KCNK12: variants seen among roughly 807,000 people sequenced by gnomAD.
KCNK12 encodes potassium channel subfamily K member 12.
KCNK12 carries 6 observed loss-of-function variants against 25.3 expected under a neutral mutation model. That is an observed-to-expected ratio of 0.24 (90% CI 0.13 to 0.47). The LOEUF (loss-of-function observed/expected upper bound fraction) is 0.47. Ranked by LOEUF, KCNK12 falls within the 20% of genes least tolerant of loss-of-function variation. The pLI, the probability that KCNK12 is intolerant of heterozygous loss-of-function variation, is 0.99. For synonymous variants in KCNK12, 331 were observed against 311.1 expected, an observed-to-expected ratio of 1.06 and a Z score of -0.67; for missense variants, 444 against 661.7, an observed-to-expected ratio of 0.67 and a Z score of 3.61.
In KCNK12 at chr2:47,521,063, C is replaced by T. The variant is rs912211047; in HGVS notation, c.1137G>A (p.Lys379=). 2.2e-6 allele frequency: 3 copies of T among 1,380,524 alleles called. No individual in the cohort carries two copies. Among genetic ancestry groups the T allele is most frequent in the East Asian group, 3.1e-5 (1 of 32,438 alleles). 85.5% of individuals were successfully genotyped at this position (1,380,524 alleles called of 1,614,324 possible). ...ISMRDLTASN[K]VSLALLQKQL... is the part of the protein sequence containing the mutation. Reference sequence around the variant, plus strand: ...GCTTCTGCAGCAGCGCCAGCGACACCTTGTTGGAGGCCGTGAGGTCGCGCA... The same window carrying T: ...GCTTCTGCAGCAGCGCCAGCGACACTTTGTTGGAGGCCGTGAGGTCGCGCA... Residue 379 remains lysine, a synonymous_variant, in exon 2 of 2, where the codon AAG becomes AAA. Coordinates refer to ENST00000327876, the MANE Select transcript of KCNK12 (RefSeq NM_022055.2).
At position 47,551,298 on chromosome 2, in the gene KCNK12, T is replaced by TA. The variant is rs1669425769; in HGVS notation, c.391+18642dup. On this transcript the variant is annotated intron_variant, in intron 1 of 1. Transcript: ENST00000327876. This position sits in a 1 kb window ranked among gnomAD's most constrained non-coding sequence, Gnocchi z 5.3. ...CAGGCAGCCACATGGCTCACTCCCT[T>TA]ACCTCATTCCAAGCCTCCACTCAGG... Among the ~76,000 whole-genome samples the TA allele has an allele frequency of 6.6e-6, 1 of 152,146 alleles. No individual in the cohort carries two copies.
rs144115774 is a variant in KCNK12, at chr2:47,513,651, A to T, written c.*7256T>A. On this transcript the variant is annotated 3_prime_UTR_variant, in exon 2 of 2. Transcript: ENST00000327876. Reference sequence around the variant, plus strand: ...GGAACCCCTCCCCCATGGTTATCTCATGGGTCCCTGAAGTCCAACTTCTCC... The same window carrying T: ...GGAACCCCTCCCCCATGGTTATCTCTTGGGTCCCTGAAGTCCAACTTCTCC... Among the ~76,000 whole-genome samples, 348 of 152,152 alleles carry T rather than the reference A, an allele frequency of 2.3e-3. 1 individual carries two copies. Among genetic ancestry groups the T allele is most frequent in the African/African-American group, 8.1e-3 (336 of 41,520 alleles).
intron 1 of KCNK12, among the ~76,000 whole-genome samples, chr2:47,536,039 A>C (rs1669060728): frequency 6.6e-6 from 1 of 151,748 alleles, no homozygotes; most frequent in Non-Finnish European, 1.5e-5. Flanking sequence ...CCTTCATATG[A>C]CCTGGGACCC....
Position 47,529,648 on chromosome 2 carries a change from TG to T in KCNK12, c.392-7841del, listed in dbSNP as rs1668875529. ...ATCAGGATAATCCAGTTCCTTACCA[TG>T]ACTGGCTCAAGAATGGGTAGACCTA... is the stretch of plus-strand genomic sequence containing the variant. On this transcript the variant is annotated intron_variant, in intron 1 of 1. Coordinates refer to ENST00000327876, the MANE Select transcript of KCNK12 (RefSeq NM_022055.2). The surrounding 1 kb of genome is among the most constrained non-coding windows in gnomAD (Gnocchi z 4.3). Among the ~76,000 whole-genome samples the T allele has an allele frequency of 6.6e-6, 1 of 152,198 alleles. No homozygotes were observed. The highest frequency in any genetic ancestry group is 2.4e-5 in the African/African-American group (1 of 41,454).
intron 1 of KCNK12, among the ~76,000 whole-genome samples, chr2:47,536,953 T>C (rs1219226354): frequency 6.6e-6 from 1 of 152,188 alleles, no homozygotes; most frequent in Non-Finnish European, 1.5e-5. Flanking sequence ...GTTTGGACGA[T>C]GTTCTTGTTT....
chr2:47,568,587 T>C (rs1669828079), intron 1 of KCNK12, among the ~76,000 whole-genome samples: 1 of 152,168 alleles, frequency 6.6e-6, no homozygotes, highest in African/African-American at 2.4e-5. Flanking sequence ...TAGCTGCTCA[T>C]ATGCTGCACA....
In KCNK12 at chr2:47,566,262, C is replaced by G. The variant is rs913762912; in HGVS notation, c.391+3679G>C. The G allele has an allele frequency of 7.2e-5, 11 of 152,174 alleles. No individual in the cohort carries two copies. The highest frequency in any genetic ancestry group is 2.7e-4 in the African/African-American group (11 of 41,426). 9.4% of individuals were successfully genotyped at this position (152,174 alleles called of 1,614,324 possible). On this transcript the variant is annotated intron_variant, in intron 1 of 1. Coordinates refer to ENST00000327876, the MANE Select transcript of KCNK12 (RefSeq NM_022055.2). This position sits in a 1 kb window ranked among gnomAD's most constrained non-coding sequence, Gnocchi z 4.1. Reference sequence around the variant, plus strand: ...GCCCTGTTCAAACCAAATATCAGGACAAACATTCTACTTCATTGTGGTGTT... The same window carrying G: ...GCCCTGTTCAAACCAAATATCAGGAGAAACATTCTACTTCATTGTGGTGTT...
At chr2:47,532,446 C>G (rs1668954474) in intron 1 of KCNK12, among the ~76,000 whole-genome samples, 1 of 152,198 alleles carries the variant, frequency 6.6e-6, no homozygotes, top group African/African-American at 2.4e-5. Context: ...ACTGCAACCT[C>G]TGCCCCCTGG....
Position 47,569,983 on chromosome 2 carries a change from G to A in KCNK12, c.349C>T (p.Pro117Ser). The part of the protein sequence containing the change: ...ADALRPRWDF[P>S]GAFYFVGTVV... The stretch of plus-strand genomic sequence containing the variant: ...GTGCCCACGAAGTAGAAGGCGCCGG[G>A]GAAGTCCCAGCGCGGGCGCAGCGCG... Residue 117 changes from proline to serine, a missense_variant, in exon 1 of 2, where the codon CCC (proline) becomes TCC (serine). By Grantham distance (74) the Pro-to-Ser change is moderately conservative (BLOSUM62 -1). Coordinates refer to ENST00000327876, the MANE Select transcript of KCNK12 (RefSeq NM_022055.2). This position sits in a 1 kb window ranked among gnomAD's most constrained non-coding sequence, Gnocchi z 4.1. 7.0e-7 allele frequency: 1 copy of A among 1,435,410 alleles called. No individual in the cohort carries two copies. Among genetic ancestry groups the A allele is most frequent in the Non-Finnish European group, 9.1e-7 (1 of 1,095,584 alleles). The allele number at this position is 1,435,410 out of a possible 1,614,324, so 88.9% of individuals were successfully genotyped here. A position where few individuals can be genotyped will look rare whatever the true frequency, so the allele number is the denominator to read the frequency against.
intron 1 of KCNK12, among the ~76,000 whole-genome samples, chr2:47,568,631 C>T (rs1159120877): frequency 6.6e-6 from 1 of 152,192 alleles, no homozygotes; most frequent in African/African-American, 2.4e-5. Flanking sequence ...TCCAACCAGC[C>T]ATCTGCTGTG....
intron 1 of KCNK12, among the ~76,000 whole-genome samples, chr2:47,558,790 A>T (rs1483968286): frequency 6.6e-6 from 1 of 152,174 alleles, no homozygotes; most frequent in Admixed American, 6.5e-5. Flanking sequence ...AAGCTTCCCC[A>T]AGTATTTTTG....
chr2:47,567,952 C>T (rs1669816113), intron 1 of KCNK12, among the ~76,000 whole-genome samples: 1 of 152,202 alleles, frequency 6.6e-6, no homozygotes, highest in African/African-American at 2.4e-5. Flanking sequence ...GAAGCTGTGG[C>T]TGGGCTCAGA....
chr2:47,554,151 A>G (rs914543733), intron 1 of KCNK12, among the ~76,000 whole-genome samples: 3 of 152,222 alleles, frequency 2.0e-5, no homozygotes, highest in African/African-American at 7.2e-5. Context: ...CATCTATTCA[A>G]CAAACACAAG....
chr2:47,559,202 C>T (rs574348413), intron 1 of KCNK12, among the ~76,000 whole-genome samples: 1 of 152,314 alleles, frequency 6.6e-6, no homozygotes, highest in Non-Finnish European at 1.5e-5. Flanking sequence ...GCCATGGAAA[C>T]GCACTGCCAG....
At chr2:47,541,091 G>T (rs1464137472) in intron 1 of KCNK12, among the ~76,000 whole-genome samples, 3 of 152,166 alleles carry the variant, frequency 2.0e-5, no homozygotes, top group Non-Finnish European at 4.4e-5. Flanking sequence ...TGTTCCAATG[G>T]GAAGTGCAGA....
At chr2:47,564,268 T>G (rs2104895936) in intron 1 of KCNK12, 2 of 230,124 alleles carry the variant, frequency 8.7e-6, no homozygotes, top group South Asian at 3.6e-4. Flanking sequence ...GACCAGACAG[T>G]CTCTCGCTCC....
At chr2:47,550,597 G>A (rs1024575213) in intron 1 of KCNK12, among the ~76,000 whole-genome samples, 1 of 151,804 alleles carries the variant, frequency 6.6e-6, no homozygotes, top group Admixed American at 6.6e-5. Context: ...TGGCCAGGCT[G>A]GTCTCAAACT....
At chr2:47,539,381 G>C (rs949259074) in intron 1 of KCNK12, among the ~76,000 whole-genome samples, 2 of 152,334 alleles carry the variant, frequency 1.3e-5, no homozygotes, top group African/African-American at 4.8e-5. Flanking sequence ...GGAGGTGGTA[G>C]TCAAAAAGTG....
Position 47,548,164 on chromosome 2 carries a change from G to A in KCNK12, c.391+21777C>T, listed in dbSNP as rs1481186605. ...CAAGCTTCCTGTAGCTTGCAGAACC[G>A]TAAGCCAATTAATCTTCTTTTCTTT... is the stretch of plus-strand genomic sequence containing the variant. On this transcript the variant is annotated intron_variant, in intron 1 of 1. Coordinates refer to ENST00000327876, the MANE Select transcript of KCNK12 (RefSeq NM_022055.2). This position sits in a 1 kb window ranked among gnomAD's most constrained non-coding sequence, Gnocchi z 4.4. Among the ~76,000 whole-genome samples, 3 of 152,054 alleles carry A rather than the reference G, an allele frequency of 2.0e-5. No individual in the cohort carries two copies. The highest frequency in any genetic ancestry group is 4.8e-5 in the African/African-American group (2 of 41,368).
Sources: allele counts gnomAD v4.1 joint callset (sites outside exome capture counted in the v4.1 genomes callset), GRCh38; gene constraint gnomAD v4.1.1; non-coding constraint Gnocchi (gnomAD v3.1); transcripts MANE v1.5; gene names NCBI Gene and HGNC (gene_info 2026-07-23, HGNC 2026-07-21).